The following CDC20B variants were observed in gnomAD, a reference collection of about 807,000 sequenced individuals.
CDC20B encodes cell division cycle protein 20 homolog B.
CDC20B carries 58 observed loss-of-function variants against 64.1 expected under a neutral mutation model. The ratio of observed to expected loss-of-function variants is 0.90; its 90% CI spans 0.73 to 1.13. The LOEUF (loss-of-function observed/expected upper bound fraction) is 1.13. Among genes scored for constraint, CDC20B ranks in the 50% most tolerant of loss-of-function variants. The pLI is 0.00. For synonymous variants in CDC20B, 243 were observed against 230.6 expected (o/e 1.05, Z -0.49); for missense variants, 597 against 633.0 (o/e 0.94, Z 0.61).
chr5:55,147,004 A>G, intron 2 of CDC20B, 148 bp from the exon 3 acceptor site: 1 of 371,646 alleles, frequency 2.7e-6, no homozygotes, highest in Non-Finnish European at 4.7e-6. Flanking sequence ...TAACCTAGAT[A>G]TTATTTTATA....
chr5:55,152,805 A>G (rs747984980), intron 2 of CDC20B, among the ~76,000 whole-genome samples: 25 of 152,316 alleles, frequency 1.6e-4, no homozygotes, highest in Non-Finnish European at 2.4e-4. Flanking sequence ...TCCTCGGGAC[A>G]TTGGTATCTA....
chr5:55,164,174 G>C (rs772846200), intron 2 of CDC20B: 1 of 1,588,576 alleles, frequency 6.3e-7, no homozygotes, highest in Non-Finnish European at 8.6e-7. Flanking sequence ...TGACATAGCA[G>C]CTCTGGTTAG....
chr5:55,171,257 G>A (rs1561099653), intron 2 of CDC20B, among the ~76,000 whole-genome samples: 1 of 152,220 alleles, frequency 6.6e-6, no homozygotes. Context: ...AGTTTGCAGT[G>A]AGCCGAGATT....
chr5:55,143,398 G>A lies in CDC20B; in HGVS notation c.486+115C>T, dbSNP rs1432389171. On this transcript the variant is annotated intron_variant, in intron 4 of 11. Transcript: ENST00000381375. ...CAATTATTCATTTTTTATCAGGAAT[G>A]CATCATTTTCTTATTGATTGGTAAG... The A allele has an allele frequency of 1.0e-5, 11 of 1,049,702 alleles. No individual in the cohort carries two copies. In the South Asian group the frequency reaches 2.3e-4, roughly 22 times the overall value. The allele number at this position is 1,049,702 out of a possible 1,614,324, so 65.0% of individuals were successfully genotyped here.
chr5:55,137,803 A>C (rs1267618097), intron 5 of CDC20B, among the ~76,000 whole-genome samples: 1 of 152,240 alleles, frequency 6.6e-6, no homozygotes, highest in Non-Finnish European at 1.5e-5. Context: ...AGTGGGCAAG[A>C]GAGCCCAATA....
chr5:55,114,110 G>T lies in CDC20B; in HGVS notation c.*108C>A. 1 of 1,450,682 alleles carries T rather than the reference G, an allele frequency of 6.9e-7. No individual in the cohort carries two copies. The highest frequency in any genetic ancestry group is 9.1e-7 in the Non-Finnish European group (1 of 1,095,898). The allele number at this position is 1,450,682 out of a possible 1,614,324, so 89.9% of individuals were successfully genotyped here. ...GGAGAACAGGCATTCACATCAAGAA[G>T]AGTATTTCAACTTGTTTGATACTCA... On this transcript the variant is annotated 3_prime_UTR_variant, in exon 12 of 12. Transcript: ENST00000381375. This position sits in a 1 kb window ranked among gnomAD's most constrained non-coding sequence, Gnocchi z 4.1.
At chr5:55,170,705 A>T (rs1156325916) in intron 2 of CDC20B, 1 of 534,618 alleles carries the variant, frequency 1.9e-6, no homozygotes, top group Admixed American at 1.9e-5. Context: ...TGACCCAAGC[A>T]GCCAGCTAAC....
At position 55,114,209 on chromosome 5, in the gene CDC20B, G is replaced by C. The variant is rs146563953; in HGVS notation, c.*9C>G. 6.2e-7 allele frequency: 1 copy of C among 1,612,636 alleles called. No homozygotes were observed. The highest frequency in any genetic ancestry group is 1.1e-5 in the South Asian group (1 of 90,940). On this transcript the variant is annotated 3_prime_UTR_variant, in exon 12 of 12. Transcript: ENST00000381375. This position sits in a 1 kb window ranked among gnomAD's most constrained non-coding sequence, Gnocchi z 4.1. The stretch of plus-strand genomic sequence containing the variant: ...AAATAAGGAAACTGAAACCTAGAGG[G>C]GCTGGGTGCTAGTAGCAATTCCATA...
At chr5:55,153,846 C>A (rs1352229628) in intron 2 of CDC20B, among the ~76,000 whole-genome samples, 3 of 151,960 alleles carry the variant, frequency 2.0e-5, no homozygotes, top group Non-Finnish European at 4.4e-5. Context: ...ATTGCACAGG[C>A]ATAAGATGGA....
In CDC20B at chr5:55,128,420, C is replaced by T. The variant is rs2111826750; in HGVS notation, c.894+1G>A. 1.9e-6 allele frequency: 3 copies of T among 1,597,464 alleles called. No individual in the cohort carries two copies. The highest frequency in any genetic ancestry group is 2.3e-5 in the South Asian group (2 of 86,842). On this transcript the variant is annotated splice_donor_variant, in intron 7 of 11. Transcript: ENST00000381375. LOFTEE classifies it high-confidence loss of function. ...TGAGAAAAAAAAAAACTGGCCAGTA[C>T]TTGCACTTCTCCCTCGCTGGTGCCA...
chr5:55,134,651 A>C (rs1425573661), intron 5 of CDC20B, among the ~76,000 whole-genome samples: 1 of 152,124 alleles, frequency 6.6e-6, no homozygotes, highest in Non-Finnish European at 1.5e-5. Flanking sequence ...AGTCCCAGCT[A>C]CTTGGGTGGC....
intron 11 of CDC20B, among the ~76,000 whole-genome samples, chr5:55,115,623 T>G (rs1742605326): frequency 6.6e-6 from 1 of 152,196 alleles, no homozygotes. Flanking sequence ...GATATGGTTT[T>G]GAGTGGGTAG....
At chr5:55,161,252 G>C in intron 2 of CDC20B, 1 of 1,613,076 alleles carries the variant, frequency 6.2e-7, no homozygotes, top group Non-Finnish European at 8.5e-7. Context: ...TAGATTTCTT[G>C]TTGGTAAATA....
chr5:55,138,064 A>G (rs1743230052), intron 5 of CDC20B, among the ~76,000 whole-genome samples: 1 of 152,064 alleles, frequency 6.6e-6, no homozygotes, highest in African/African-American at 2.4e-5. Context: ...TACCAGAAGA[A>G]ACCAGATGTT....
At position 55,114,870 on chromosome 5, in the gene CDC20B, A is replaced by G. The variant is rs527949161; in HGVS notation, c.1460-552T>C. Among the ~76,000 whole-genome samples, 4 of 152,168 alleles carry G rather than the reference A, an allele frequency of 2.6e-5. No individual in the cohort carries two copies. The highest frequency in any genetic ancestry group is 4.4e-5 in the Non-Finnish European group (3 of 68,028). On this transcript the variant is annotated intron_variant, in intron 11 of 11. Transcript: ENST00000381375. The surrounding 1 kb of genome is among the most constrained non-coding windows in gnomAD (Gnocchi z 4.1). ...ATTTTATTTCCAGATCCTTAATGAC[A>G]TCTCCAAATGCAATATTTCTGAATA...
chr5:55,150,255 T>TA (rs1175050080), intron 2 of CDC20B, among the ~76,000 whole-genome samples: 1 of 152,236 alleles, frequency 6.6e-6, no homozygotes, highest in Non-Finnish European at 1.5e-5. Flanking sequence ...TGCAAATGCT[T>TA]ACAATATATT....
intron 6 of CDC20B, 65 bp downstream of exon 6, chr5:55,133,347 A>T (rs991783991): frequency 1.2e-5 from 9 of 748,870 alleles, no homozygotes; most frequent in Non-Finnish European, 1.9e-5. Context: ...TTTCAAGTTT[A>T]TACCAGAGCA....
chr5:55,171,209 AG>A (rs2111620226), intron 2 of CDC20B, among the ~76,000 whole-genome samples: 1 of 152,316 alleles, frequency 6.6e-6, no homozygotes, highest in South Asian at 2.1e-4. Flanking sequence ...GCTACTCAGG[AG>A]GCTGAGACAT....
At position 55,114,428 on chromosome 5, in the gene CDC20B, C is replaced by T; in HGVS notation, c.1460-110G>A. On this transcript the variant is annotated intron_variant, in intron 11 of 11. Transcript: ENST00000381375. This position sits in a 1 kb window ranked among gnomAD's most constrained non-coding sequence, Gnocchi z 4.1. ...ATGAGTCCCATCCCAGGATAAAGGGCTTTCCCACACCCACCAGGTTCAGAG... is the reference window on the plus strand; with the variant it reads ...ATGAGTCCCATCCCAGGATAAAGGGTTTTCCCACACCCACCAGGTTCAGAG... The T allele has an allele frequency of 6.8e-7, 1 of 1,477,334 alleles. No individual in the cohort carries two copies. Among genetic ancestry groups the T allele is most frequent in the Non-Finnish European group, 9.0e-7 (1 of 1,111,854 alleles). The allele number at this position is 1,477,334 out of a possible 1,614,324, so 91.5% of individuals were successfully genotyped here.
Sources: allele counts gnomAD v4.1 joint callset (sites outside exome capture counted in the v4.1 genomes callset), GRCh38; gene constraint gnomAD v4.1.1; non-coding constraint Gnocchi (gnomAD v3.1); transcripts MANE v1.5; gene names NCBI Gene and HGNC (gene_info 2026-07-23, HGNC 2026-07-21).